Variants in PRKN observed in about 807,000 individuals in gnomAD.
The protein encoded by PRKN is parkin RBR E3 ubiquitin protein ligase.
PRKN carries 56 observed loss-of-function variants against 59.5 expected under a neutral mutation model. The ratio of observed to expected loss-of-function variants is 0.94; its 90% CI spans 0.76 to 1.18. PRKN has a LOEUF of 1.18. Ranked by LOEUF, PRKN falls within the 50% of genes most tolerant of loss-of-function variation. The pLI, the probability that PRKN is intolerant of heterozygous loss-of-function variation, is 0.00. For synonymous variants in PRKN, 250 were observed against 222.1 expected, an observed-to-expected ratio of 1.13 and a Z score of -1.12; for missense variants, 657 against 596.4, an observed-to-expected ratio of 1.10 and a Z score of -1.06.
intron 2 of PRKN, among the ~76,000 whole-genome samples, chr6:162,395,475 T>G (rs2128146774): frequency 6.6e-6 from 1 of 152,262 alleles, no homozygotes; most frequent in South Asian, 2.1e-4. Flanking sequence ...TATCATCAGT[T>G]AAGTCTTCAG....
At position 161,483,484 on chromosome 6, in the gene PRKN, G is replaced by C. The variant is rs1161501132; in HGVS notation, c.1083+65370C>G. Among the ~76,000 whole-genome samples the C allele has an allele frequency of 6.6e-6, 1 of 152,158 alleles. No individual in the cohort carries two copies. The highest frequency in any genetic ancestry group is 1.9e-4 in the East Asian group (1 of 5,186). ...CCTCATCTATAAGGTCAGGAAAGGG[G>C]TCATAGCTCATAGAATATGGACTTG... On this transcript the variant is annotated intron_variant, in intron 9 of 11. Coordinates refer to ENST00000366898, the MANE Select transcript of PRKN (RefSeq NM_004562.3). This position sits in a 1 kb window ranked among gnomAD's most constrained non-coding sequence, Gnocchi z 5.0.
chr6:162,002,939 T>G (rs1354149450), intron 5 of PRKN, among the ~76,000 whole-genome samples: 2 of 152,170 alleles, frequency 1.3e-5, no homozygotes, highest in East Asian at 1.9e-4. Context: ...TCTGTCTTTC[T>G]GTCATTATAG....
intron 7 of PRKN, among the ~76,000 whole-genome samples, chr6:161,713,848 C>T (rs897974183): frequency 1.3e-5 from 2 of 152,004 alleles, no homozygotes; most frequent in South Asian, 2.1e-4. Context: ...ATCATGGGGC[C>T]GGGTTTTTGC....
rs1254598346 is a variant in PRKN, at chr6:161,429,093, T to TG, written c.1084-42217dup. On this transcript the variant is annotated intron_variant, in intron 9 of 11. Coordinates refer to ENST00000366898, the MANE Select transcript of PRKN (RefSeq NM_004562.3). This position sits in a 1 kb window ranked among gnomAD's most constrained non-coding sequence, Gnocchi z 4.2. ...ACAGGACACCTGCAGATGGCACCTT[T>TG]GCTAACCTTGATTGTGCCTTGAGAT... 2.0e-5 allele frequency among the ~76,000 whole-genome samples: 3 copies of TG among 152,228 alleles called. No individual in the cohort carries two copies. The highest frequency in any genetic ancestry group is 7.2e-5 in the African/African-American group (3 of 41,450).
intron 7 of PRKN, among the ~76,000 whole-genome samples, chr6:161,583,090 G>T (rs1279222698): frequency 6.6e-6 from 1 of 150,886 alleles, no homozygotes; most frequent in Admixed American, 6.6e-5. Context: ...TTAATTTTTT[G>T]ATGATGAACT....
chr6:162,573,638 T>A (rs1490534386), intron 1 of PRKN, among the ~76,000 whole-genome samples: 1 of 152,210 alleles, frequency 6.6e-6, no homozygotes, highest in African/African-American at 2.4e-5. Flanking sequence ...TACATTTTAA[T>A]AATGAGTCAC....
At chr6:161,985,032 G>A (rs1781385061) in intron 5 of PRKN, among the ~76,000 whole-genome samples, 2 of 152,144 alleles carry the variant, frequency 1.3e-5, no homozygotes, top group African/African-American at 2.4e-5. Context: ...AGTGGCTCTG[G>A]TGTGGTACCA....
intron 4 of PRKN, among the ~76,000 whole-genome samples, chr6:162,091,888 T>C (rs1474527547): frequency 1.3e-5 from 2 of 151,818 alleles, no homozygotes; most frequent in African/African-American, 2.4e-5. Flanking sequence ...TTACAAATAT[T>C]AGCCGGGCAT....
At chr6:162,491,906 A>G (rs1792833906) in intron 1 of PRKN, among the ~76,000 whole-genome samples, 1 of 152,198 alleles carries the variant, frequency 6.6e-6, no homozygotes, top group African/African-American at 2.4e-5. Flanking sequence ...GCTGCTGAGA[A>G]GCTACTATTA....
At chr6:161,933,283 C>T (rs148961572) in intron 6 of PRKN, among the ~76,000 whole-genome samples, 1 of 151,734 alleles carries the variant, frequency 6.6e-6, no homozygotes, top group East Asian at 1.9e-4. Context: ...CGTTTCAAAA[C>T]AAAAACAAAA....
rs1457671679 is a variant in PRKN at position 161,874,246 on chromosome 6, TA to T, written c.735-88339del. Among the ~76,000 whole-genome samples the T allele has an allele frequency of 6.0e-4, 9 of 15,020 alleles. 1 individual carries two copies. Among genetic ancestry groups the T allele is most frequent in the Admixed American group, 1.5e-3 (1 of 652 alleles). 9.9% of individuals were successfully genotyped at this position (15,020 alleles called of 152,430 possible). ...TATATTATATATAATATATAATATA[TA>T]ATATATATTATATGTAAAATATATA... is the stretch of plus-strand genomic sequence containing the variant. On this transcript the variant is annotated intron_variant, in intron 6 of 11. Transcript: ENST00000366898.
intron 5 of PRKN, among the ~76,000 whole-genome samples, chr6:162,012,879 T>C (rs1782788837): frequency 6.6e-6 from 1 of 152,294 alleles, no homozygotes; most frequent in African/African-American, 2.4e-5. Flanking sequence ...CTATCGTTTG[T>C]CCCAATATTT....
At chr6:162,012,435 C>G (rs542967656) in intron 5 of PRKN, among the ~76,000 whole-genome samples, 1 of 151,670 alleles carries the variant, frequency 6.6e-6, no homozygotes, top group Non-Finnish European at 1.5e-5. Flanking sequence ...ATATAATGTA[C>G]ATTATTATAT....
chr6:161,406,224 A>G (rs1394435693), intron 9 of PRKN, among the ~76,000 whole-genome samples: 1 of 151,962 alleles, frequency 6.6e-6, no homozygotes, highest in Non-Finnish European at 1.5e-5. Flanking sequence ...ATACATATAT[A>G]TATATACACA....
At chr6:161,955,433 A>C (rs1285802096) in intron 6 of PRKN, among the ~76,000 whole-genome samples, 1 of 152,206 alleles carries the variant, frequency 6.6e-6, no homozygotes, top group African/African-American at 2.4e-5. Context: ...TACAGAGAAT[A>C]TTTACTAAAT....
At chr6:162,472,973 C>T (rs913880846) in intron 1 of PRKN, among the ~76,000 whole-genome samples, 6 of 151,676 alleles carry the variant, frequency 4.0e-5, no homozygotes, top group Admixed American at 4.0e-4. Context: ...CATGGTTATT[C>T]AATTAAGGAA....
intron 1 of PRKN, among the ~76,000 whole-genome samples, chr6:162,668,659 A>G (rs1047284449): frequency 1.3e-5 from 2 of 152,208 alleles, no homozygotes; most frequent in Non-Finnish European, 2.9e-5. Flanking sequence ...AGAAGTTCCT[A>G]AAGAACTCAA....
chr6:162,304,857 T>A (rs1782152922), intron 2 of PRKN, among the ~76,000 whole-genome samples: 1 of 138,932 alleles, frequency 7.2e-6, no homozygotes, highest in Non-Finnish European at 1.6e-5. Flanking sequence ...AGATGTGTTG[T>A]TTAACTCAAG....
At chr6:162,020,558 T>G (rs193266603) in intron 5 of PRKN, among the ~76,000 whole-genome samples, 80 of 152,194 alleles carry the variant, frequency 5.3e-4, no homozygotes, top group South Asian at 1.5e-3. Context: ...TTCAAAGCAG[T>G]TGGTAAGGGA....
Sources: allele counts gnomAD v4.1 joint callset (sites outside exome capture counted in the v4.1 genomes callset), GRCh38; gene constraint gnomAD v4.1.1; non-coding constraint Gnocchi (gnomAD v3.1); transcripts MANE v1.5; gene names NCBI Gene and HGNC (gene_info 2026-07-23, HGNC 2026-07-21).